Variants in SDAD1 observed in about 807,000 individuals in gnomAD.
SDAD1 encodes the protein protein SDA1 homolog.
A neutral mutation model predicts 100.3 loss-of-function variants in SDAD1; 79 were observed. That is an observed-to-expected ratio of 0.79 (90% CI 0.66 to 0.95). The LOEUF (loss-of-function observed/expected upper bound fraction) is 0.95, where lower values mean the gene tolerates loss of function less well. Ranked by LOEUF, SDAD1 falls within the 40% of genes least tolerant of loss-of-function variation. The pLI is 0.00. For missense variants in SDAD1, 790 were observed against 810.9 expected, an observed-to-expected ratio of 0.97 and a Z score of 0.31; for synonymous variants, 267 against 271.4, an observed-to-expected ratio of 0.98 and a Z score of 0.16.
chr4:75,969,697 T>C (rs1025398883), intron 10 of SDAD1, among the ~76,000 whole-genome samples: 13 of 152,118 alleles, frequency 8.5e-5, no homozygotes, highest in African/African-American at 3.1e-4. Flanking sequence ...GGAGGCTCAT[T>C]GGAAATGCAG....
At position 75,964,182 on chromosome 4, in the gene SDAD1, T is replaced by C; in HGVS notation, c.1134A>G (p.Ala378=). Residue 378 remains alanine, a synonymous_variant, in exon 14 of 22, where the codon GCA becomes GCG. Coordinates refer to ENST00000356260, the MANE Select transcript of SDAD1 (RefSeq NM_018115.4). ...EIIQSLLMTV[A]NNFVTDKNSG... is the part of the protein sequence containing the mutation. ...AGTTCTTGTCGGTAACAAAATTGTT[T>C]GCCACAGTCATAAGCAATGATTGAA... The C allele has an allele frequency of 6.2e-7, 1 of 1,608,836 alleles. No individual in the cohort carries two copies. The highest frequency in any genetic ancestry group is 8.5e-7 in the Non-Finnish European group (1 of 1,178,466).
At position 75,977,102 on chromosome 4, in the gene SDAD1, T is replaced by C. The variant is rs568610777; in HGVS notation, c.405+544A>G. ...CACAGTGTCCAGCCAAGTTTCTCCA[T>C]CTTAAATTTCTTTCATAAATCTTCA... On this transcript the variant is annotated intron_variant, in intron 4 of 21. Transcript: ENST00000356260. 3.9e-5 allele frequency among the ~76,000 whole-genome samples: 6 copies of C among 152,328 alleles called. No individual in the cohort carries two copies. In the South Asian group the frequency reaches 1.2e-3, roughly 32 times the overall value.
chr4:75,984,152 T>C (rs1730725111), intron 1 of SDAD1, among the ~76,000 whole-genome samples: 1 of 147,086 alleles, frequency 6.8e-6, no homozygotes, highest in Admixed American at 7.0e-5. Flanking sequence ...TCTATGTATC[T>C]GTTTTGGTAC....
In SDAD1 at chr4:75,990,837, G is replaced by A. The variant is rs767917925; in HGVS notation, c.5C>T (p.Ser2Phe). 6.2e-7 allele frequency: 1 copy of A among 1,614,088 alleles called. No homozygotes were observed. The highest frequency in any genetic ancestry group is 8.5e-7 in the Non-Finnish European group (1 of 1,180,018). The change falls in exon 1 of 22, where the codon TCC (serine) becomes TTC (phenylalanine). Residue 2 changes from serine (S) to phenylalanine (F), a missense_variant. Ser to Phe is a radical substitution (Grantham distance 155, BLOSUM62 -2). Coordinates refer to ENST00000356260, the MANE Select transcript of SDAD1 (RefSeq NM_018115.4). MSNRNNNKLPSN... is the reference protein window; with the variant it reads MFNRNNNKLPSN... Reference sequence around the variant, plus strand: ...GGGAAGCTTGTTGTTGTTTCTGTTGGACATTTTGGCTGCAGACAGACTTCG... The same window carrying A: ...GGGAAGCTTGTTGTTGTTTCTGTTGAACATTTTGGCTGCAGACAGACTTCG...
At chr4:75,971,635 C>T (rs1188165423) in intron 8 of SDAD1, among the ~76,000 whole-genome samples, 177 bp from the exon 9 acceptor site, 1 of 152,118 alleles carries the variant, frequency 6.6e-6, no homozygotes, top group Non-Finnish European at 1.5e-5. Flanking sequence ...CTTTGGGAGG[C>T]CAAGGTGGGT....
chr4:75,973,270 A>G (rs1729966818), intron 8 of SDAD1, 47 bp downstream of exon 8: 2 of 1,449,042 alleles, frequency 1.4e-6, no homozygotes, highest in East Asian at 4.5e-5. Flanking sequence ...GTGTACTCAG[A>G]GCAATAATAA....
chr4:75,961,347 G>C, intron 14 of SDAD1, 39 bp from the exon 15 acceptor site: 1 of 1,461,944 alleles, frequency 6.8e-7, no homozygotes. Flanking sequence ...AGCCCGAATA[G>C]CAATTTTTTC....
chr4:75,960,496 A>G (rs1729170133), intron 16 of SDAD1, among the ~76,000 whole-genome samples: 1 of 152,216 alleles, frequency 6.6e-6, no homozygotes, highest in South Asian at 2.1e-4. Flanking sequence ...TAACCAAATG[A>G]CAGCAACAGT....
chr4:75,990,625 G>A (rs1731201501), intron 1 of SDAD1, 127 bp downstream of exon 1: 3 of 1,592,708 alleles, frequency 1.9e-6, no homozygotes, highest in South Asian at 2.2e-5. Flanking sequence ...CTCCTCTGGA[G>A]GGACCCCTGA....
chr4:75,979,980 T>C (rs1374477513), intron 3 of SDAD1, among the ~76,000 whole-genome samples: 1 of 150,088 alleles, frequency 6.7e-6, no homozygotes, highest in Admixed American at 6.8e-5. Flanking sequence ...AAGCCGGGAC[T>C]ACAGGTGCAC....
At chr4:75,956,191 T>A in intron 20 of SDAD1, 55 bp from the exon 21 acceptor site, 3 of 1,538,754 alleles carry the variant, frequency 1.9e-6, no homozygotes, top group Non-Finnish European at 2.6e-6. Context: ...TTAGGAGTCA[T>A]CTAATCAACA....
chr4:75,974,156 T>G, intron 6 of SDAD1, 23 bp from the exon 7 acceptor site: 1 of 1,599,070 alleles, frequency 6.3e-7, no homozygotes, highest in Non-Finnish European at 8.6e-7. Context: ...AATGAATGCT[T>G]TGAAGTAAAT....
At chr4:75,954,080 A>G (rs946674135) in intron 21 of SDAD1, among the ~76,000 whole-genome samples, 9 of 152,092 alleles carry the variant, frequency 5.9e-5, no homozygotes, top group African/African-American at 2.2e-4. Context: ...TGGGTTTTGA[A>G]AAGTACCCAC....
At chr4:75,976,133 A>G in intron 4 of SDAD1, 138 bp from the exon 5 acceptor site, 1 of 585,092 alleles carries the variant, frequency 1.7e-6, no homozygotes, top group Non-Finnish European at 2.9e-6. Context: ...AACCCAAACC[A>G]AGCAAACAAA....
In SDAD1 at chr4:75,989,364, GT is replaced by G. The variant is rs151009460; in HGVS notation, c.90+1387del. On this transcript the variant is annotated intron_variant, in intron 1 of 21. Coordinates refer to ENST00000356260, the MANE Select transcript of SDAD1 (RefSeq NM_018115.4). Reference sequence around the variant, plus strand: ...TCCAATTCTAACCTATTCCCATCCAGTTTTATTTTCTTCATAATCTCTACCA... The same window carrying G: ...TCCAATTCTAACCTATTCCCATCCAGTTTATTTTCTTCATAATCTCTACCA... Among the ~76,000 whole-genome samples the G allele has an allele frequency of 1.3e-4, 20 of 152,176 alleles. No homozygotes were observed. The East Asian group carries it at 3.9e-3, about 29-fold the overall frequency.
At chr4:75,952,478 C>T (rs1221544100) in intron 21 of SDAD1, among the ~76,000 whole-genome samples, 1 of 152,216 alleles carries the variant, frequency 6.6e-6, no homozygotes, top group African/African-American at 2.4e-5. Context: ...TCCTCCTCTC[C>T]TTCCCTATCG....
intron 21 of SDAD1, among the ~76,000 whole-genome samples, chr4:75,951,041 G>A (rs1377675347): frequency 6.6e-6 from 1 of 152,116 alleles, no homozygotes; most frequent in Admixed American, 6.5e-5. Context: ...CAAAACAGGA[G>A]CAGCTATGGA....
intron 14 of SDAD1, 52 bp from the exon 15 acceptor site, chr4:75,961,360 G>A: frequency 7.6e-7 from 1 of 1,316,506 alleles, no homozygotes; most frequent in Non-Finnish European, 1.1e-6. Context: ...ATTTTTTCAT[G>A]ATTCAACACA....
At chr4:75,983,850 T>C (rs969173254) in intron 1 of SDAD1, among the ~76,000 whole-genome samples, 1 of 152,166 alleles carries the variant, frequency 6.6e-6, no homozygotes, top group Non-Finnish European at 1.5e-5. Context: ...GTTTTAGTCA[T>C]TAAGTCTTGC....
Sources: allele counts gnomAD v4.1 joint callset (sites outside exome capture counted in the v4.1 genomes callset), GRCh38; gene constraint gnomAD v4.1.1; transcripts MANE v1.5; gene names NCBI Gene and HGNC (gene_info 2026-07-23, HGNC 2026-07-21).